Variants in NTN4 observed in about 807,000 individuals in gnomAD.
NTN4 encodes the protein netrin 4.
NTN4 carries 32 observed loss-of-function variants against 73.6 expected under a neutral mutation model. The observed-to-expected ratio is 0.44, with a 90% confidence interval of 0.33 to 0.58. The LOEUF (loss-of-function observed/expected upper bound fraction) is 0.58, where lower values mean the gene tolerates loss of function less well. NTN4 is among the 20% of genes least tolerant of loss of function. The pLI is 0.04. For synonymous variants in NTN4, 258 were observed against 287.5 expected, an observed-to-expected ratio of 0.90 and a Z score of 1.04; for missense variants, 654 against 798.3, an observed-to-expected ratio of 0.82 and a Z score of 2.18.
At chr12:95,778,489 G>A (rs1305941701) in intron 2 of NTN4, among the ~76,000 whole-genome samples, 4 of 152,064 alleles carry the variant, frequency 2.6e-5, no homozygotes, top group Non-Finnish European at 4.4e-5. Context: ...TATCACCACC[G>A]ATCCCACAGA....
chr12:95,675,847 G>A (rs1049673934), intron 7 of NTN4, among the ~76,000 whole-genome samples: 1 of 152,134 alleles, frequency 6.6e-6, no homozygotes, highest in Non-Finnish European at 1.5e-5. Context: ...GATTGGGTAA[G>A]GCTCTCCTTG....
chr12:95,704,840 C>T (rs1260651758), intron 5 of NTN4, among the ~76,000 whole-genome samples: 1 of 152,092 alleles, frequency 6.6e-6, no homozygotes, highest in Non-Finnish European at 1.5e-5. Flanking sequence ...CTAGGGAAGC[C>T]TACCCAGGGA....
intron 5 of NTN4, among the ~76,000 whole-genome samples, chr12:95,700,080 ATTTTTTTTTTTTTTTT>A (rs56063223): frequency 2.6e-4 from 11 of 41,822 alleles, no homozygotes; most frequent in Non-Finnish European, 3.4e-4. Context: ...TAAAGTGAGG[ATTTTTTTTTTTTTTTT>A]TTTTTTTTTT....
intron 3 of NTN4, among the ~76,000 whole-genome samples, chr12:95,716,544 CTTCTCTTTTT>C (rs2078606829): frequency 6.6e-6 from 1 of 151,942 alleles, no homozygotes; most frequent in South Asian, 2.1e-4. Flanking sequence ...ACTTTCTTTT[CTTCTCTTTTT>C]TTAAAAATAT....
chr12:95,710,523 T>G lies in NTN4; in HGVS notation c.1098A>C (p.Thr366=), dbSNP rs756678454. Residue 366 remains threonine, a synonymous_variant, in exon 5 of 10, where the codon ACA becomes ACC. Coordinates refer to ENST00000343702, the MANE Select transcript of NTN4 (RefSeq NM_021229.4). ...GGVCDDCQHN[T]EGQYCQRCKP... ...TGCACCTCTGGCAATACTGTCCTTC[T>G]GTGTTGTGCTGACAGTCATCACAGA... 6.2e-7 allele frequency: 1 copy of G among 1,614,210 alleles called. No individual in the cohort carries two copies. The highest frequency in any genetic ancestry group is 1.1e-5 in the South Asian group (1 of 91,084).
At chr12:95,663,504 A>G (rs1365483648) in intron 9 of NTN4, 2 of 152,248 alleles carry the variant, frequency 1.3e-5, no homozygotes, top group African/African-American at 2.4e-5. Context: ...AAATGTATGC[A>G]TGAATTAAGA....
At chr12:95,692,028 C>T (rs2078405345) in intron 5 of NTN4, among the ~76,000 whole-genome samples, 1 of 152,106 alleles carries the variant, frequency 6.6e-6, no homozygotes, top group Admixed American at 6.5e-5. Flanking sequence ...ATGAGACTTA[C>T]TTTGAATAGT....
At chr12:95,705,180 T>G (rs1029910689) in intron 5 of NTN4, among the ~76,000 whole-genome samples, 1 of 152,210 alleles carries the variant, frequency 6.6e-6, no homozygotes, top group Non-Finnish European at 1.5e-5. Context: ...AGGGCAATTT[T>G]TTTTTTAAGA....
intron 8 of NTN4, among the ~76,000 whole-genome samples, chr12:95,669,854 C>T (rs2078213806): frequency 6.6e-6 from 1 of 152,178 alleles, no homozygotes; most frequent in Non-Finnish European, 1.5e-5. Flanking sequence ...ATAACTCTAC[C>T]TTTGCTCTAC....
chr12:95,782,026 A>G (rs1233316939), intron 2 of NTN4, among the ~76,000 whole-genome samples: 2 of 152,182 alleles, frequency 1.3e-5, no homozygotes, highest in African/African-American at 2.4e-5. Context: ...AAGATCCTCT[A>G]TTGGTTGTGC....
chr12:95,723,247 G>A (rs1374203242), intron 3 of NTN4, among the ~76,000 whole-genome samples: 3 of 151,740 alleles, frequency 2.0e-5, no homozygotes, highest in South Asian at 2.1e-4. Context: ...CTTTCCTGCT[G>A]TCGGGGAAAA....
At chr12:95,718,340 T>C (rs546035908) in intron 3 of NTN4, among the ~76,000 whole-genome samples, 1 of 152,302 alleles carries the variant, frequency 6.6e-6, no homozygotes, top group African/African-American at 2.4e-5. Context: ...AATCATGTGG[T>C]TGAGTTTGAA....
intron 2 of NTN4, among the ~76,000 whole-genome samples, chr12:95,738,511 C>G (rs2078798758): frequency 6.6e-6 from 1 of 152,184 alleles, no homozygotes; most frequent in Admixed American, 6.5e-5. Flanking sequence ...GTCAGTGTGA[C>G]TGGAGACCAG....
At chr12:95,738,657 A>G (rs1424935922) in intron 2 of NTN4, among the ~76,000 whole-genome samples, 2 of 152,190 alleles carry the variant, frequency 1.3e-5, no homozygotes, top group African/African-American at 4.8e-5. Flanking sequence ...CAGAGAGGTG[A>G]TATCTGATTT....
chr12:95,787,883 CATA>C (rs1284966503), intron 1 of NTN4, among the ~76,000 whole-genome samples: 2 of 152,100 alleles, frequency 1.3e-5, no homozygotes, highest in African/African-American at 2.4e-5. Flanking sequence ...ATTGAAAAAC[CATA>C]ATGTTTTTAA....
intron 7 of NTN4, among the ~76,000 whole-genome samples, chr12:95,675,686 TAAAG>T (rs970975576): frequency 6.6e-6 from 1 of 152,182 alleles, no homozygotes; most frequent in Admixed American, 6.5e-5. Context: ...AAAAAAAATG[TAAAG>T]AAAGAAAAGA....
intron 3 of NTN4, among the ~76,000 whole-genome samples, chr12:95,716,608 C>T (rs560832876): frequency 6.6e-6 from 1 of 151,798 alleles, no homozygotes; most frequent in Non-Finnish European, 1.5e-5. Flanking sequence ...TTCTTTCTTC[C>T]CTTTTTCCTT....
chr12:95,757,064 T>C (rs570966642), intron 2 of NTN4, among the ~76,000 whole-genome samples: 2 of 152,288 alleles, frequency 1.3e-5, no homozygotes, highest in South Asian at 4.2e-4. Flanking sequence ...ATTTGCTTAA[T>C]TGCTTGTATT....
At chr12:95,684,642 C>T (rs2078347867) in intron 5 of NTN4, among the ~76,000 whole-genome samples, 1 of 152,018 alleles carries the variant, frequency 6.6e-6, no homozygotes, top group Admixed American at 6.6e-5. Context: ...TCCTTCTCCT[C>T]AGCCCTCTCC....
Sources: allele counts gnomAD v4.1 joint callset (sites outside exome capture counted in the v4.1 genomes callset), GRCh38; gene constraint gnomAD v4.1.1; transcripts MANE v1.5; gene names NCBI Gene and HGNC (gene_info 2026-07-23, HGNC 2026-07-21).